PIP5K1C: variants seen among roughly 807,000 people sequenced by gnomAD.
PIP5K1C encodes the protein phosphatidylinositol 4-phosphate 5-kinase type-1 gamma.
A neutral mutation model predicts 80.1 loss-of-function variants in PIP5K1C; 45 were observed. The observed-to-expected ratio is 0.56, with a 90% confidence interval of 0.44 to 0.72. The LOEUF (loss-of-function observed/expected upper bound fraction) is 0.72, where lower values mean the gene tolerates loss of function less well. PIP5K1C is among the 30% of genes least tolerant of loss of function. The probability of loss-of-function intolerance (pLI) is 0.00; values close to 1 mark genes in which losing one functional copy is unlikely to be tolerated. For synonymous variants in PIP5K1C, 498 were observed against 420.1 expected (o/e 1.19, Z -2.27); for missense variants, 753 against 954.6 (o/e 0.79, Z 2.78).
At chr19:3,678,947 G>A (rs1043731327) in intron 1 of PIP5K1C, among the ~76,000 whole-genome samples, 3 of 146,672 alleles carry the variant, frequency 2.0e-5, no homozygotes, top group Non-Finnish European at 4.5e-5. Context: ...GAGGGATGGA[G>A]AATGGAGGGA....
At position 3,653,369 on chromosome 19, in the gene PIP5K1C, A is replaced by G; in HGVS notation, c.842T>C (p.Met281Thr). The G allele has an allele frequency of 6.2e-7, 1 of 1,612,632 alleles. No homozygotes were observed. The highest frequency in any genetic ancestry group is 8.5e-7 in the Non-Finnish European group (1 of 1,180,012). The stretch of plus-strand genomic sequence containing the variant: ...CAGGAGCCCCTCGGGCATGTCCTGC[A>G]TGAAGTCCAGGTCCTTGTAGGTGGG... ...SFPTYKDLDFMQDMPEGLLLD... is the reference protein window; with the variant it reads ...SFPTYKDLDFTQDMPEGLLLD... The change falls in exon 7 of 18, where the codon ATG (methionine) becomes ACG (threonine). Residue 281 changes from methionine (M) to threonine (T), a missense_variant. Coordinates refer to ENST00000335312, the MANE Select transcript of PIP5K1C (RefSeq NM_012398.3).
At chr19:3,666,492 AAC>A (rs1435364903) in intron 2 of PIP5K1C, among the ~76,000 whole-genome samples, 6 of 152,340 alleles carry the variant, frequency 3.9e-5, no homozygotes, top group African/African-American at 9.6e-5. Context: ...CACACAGGCA[AAC>A]ACACGTGCAG....
chr19:3,684,560 C>T (rs1470114116), intron 1 of PIP5K1C, among the ~76,000 whole-genome samples: 2 of 152,232 alleles, frequency 1.3e-5, no homozygotes, highest in African/African-American at 4.8e-5. Flanking sequence ...AGGAGGCCAC[C>T]AGGGTGTGCT....
At chr19:3,698,034 G>A (rs1482843501) in intron 1 of PIP5K1C, among the ~76,000 whole-genome samples, 1 of 152,254 alleles carries the variant, frequency 6.6e-6, no homozygotes, top group African/African-American at 2.4e-5. Context: ...GACACTGGGA[G>A]CTGGCAGTGC....
chr19:3,682,080 A>G (rs1234733095), intron 1 of PIP5K1C, among the ~76,000 whole-genome samples: 1 of 152,092 alleles, frequency 6.6e-6, no homozygotes, highest in Non-Finnish European at 1.5e-5. Context: ...ATTTCTTAGA[A>G]AAGGCATCGT....
At chr19:3,663,675 G>A (rs1018473810) in intron 3 of PIP5K1C, among the ~76,000 whole-genome samples, 2 of 152,154 alleles carry the variant, frequency 1.3e-5, no homozygotes, top group Admixed American at 6.5e-5. Context: ...AAGACACCTC[G>A]AAGAGACACC....
At chr19:3,657,365 C>T (rs749131190) in intron 5 of PIP5K1C, among the ~76,000 whole-genome samples, 13 of 152,278 alleles carry the variant, frequency 8.5e-5, no homozygotes, top group African/African-American at 2.2e-4. Flanking sequence ...CTGCGTCTTC[C>T]GGGTATGGAA....
rs910255539 is a variant in PIP5K1C at position 3,698,424 on chromosome 19, C to A, written c.94+1873G>T. Among the ~76,000 whole-genome samples, 7 of 152,342 alleles carry A rather than the reference C, an allele frequency of 4.6e-5. No homozygotes were observed. In the East Asian group the frequency reaches 1.3e-3, roughly 29 times the overall value. On this transcript the variant is annotated intron_variant, in intron 1 of 17. Coordinates refer to ENST00000335312, the MANE Select transcript of PIP5K1C (RefSeq NM_012398.3). ...CCCCTTAACCACTGCCTGGCGCTCG[C>A]CCTCTCTACAAACCGATACCAACAT...
chr19:3,646,361 G>A (rs2034213938), intron 10 of PIP5K1C, among the ~76,000 whole-genome samples: 1 of 152,188 alleles, frequency 6.6e-6, no homozygotes, highest in Non-Finnish European at 1.5e-5. Context: ...TGGCCCACGT[G>A]GACTTGTAGG....
chr19:3,639,135 G>A, intron 15 of PIP5K1C, 119 bp from the exon 16 acceptor site: 1 of 1,253,334 alleles, frequency 8.0e-7, no homozygotes, highest in South Asian at 1.2e-5. Flanking sequence ...GAAAAGCCAG[G>A]CAGCTGACCA....
At chr19:3,644,299 A>G (rs2034118390) in intron 11 of PIP5K1C, 48 bp from the exon 12 acceptor site, 1 of 1,586,484 alleles carries the variant, frequency 6.3e-7, no homozygotes, top group South Asian at 1.1e-5. Context: ...GGGGGCTCAT[A>G]GCAAAGCCCA....
In PIP5K1C at chr19:3,660,968, A is replaced by G. The variant is rs1274604584; in HGVS notation, c.466T>C (p.Leu156=). The G allele has an allele frequency of 6.2e-7, 1 of 1,609,512 alleles. No individual in the cohort carries two copies. Among genetic ancestry groups the G allele is most frequent in the South Asian group, 1.1e-5 (1 of 91,016 alleles). ...ELFGIRPDDY[L]YSLCNEPLIE... is the part of the protein sequence containing the mutation. Reference sequence around the variant, plus strand: ...CCCGTAACAGCAAATATGCTTACCAAGTAATCATCTGGCCGGATCCCAAAG... The same window carrying G: ...CCCGTAACAGCAAATATGCTTACCAGGTAATCATCTGGCCGGATCCCAAAG... The change falls in exon 5 of 18, where the codon TTG becomes CTG. Residue 156 remains leucine, a splice_region_variant and synonymous_variant. Coordinates refer to ENST00000335312, the MANE Select transcript of PIP5K1C (RefSeq NM_012398.3).
chr19:3,671,015 C>T (rs552325479), intron 1 of PIP5K1C, among the ~76,000 whole-genome samples: 11 of 152,302 alleles, frequency 7.2e-5, no homozygotes, highest in East Asian at 3.9e-4. Context: ...GTTGGCGGCC[C>T]GGGAGCAGAA....
chr19:3,639,037 A>C (rs766981909), intron 15 of PIP5K1C, 21 bp from the exon 16 acceptor site: 2 of 1,608,086 alleles, frequency 1.2e-6, no homozygotes, highest in South Asian at 1.1e-5. Flanking sequence ...GAGTAGACAG[A>C]GGGTCTTGAC....
chr19:3,678,827 T>C (rs961162054), intron 1 of PIP5K1C, among the ~76,000 whole-genome samples: 1 of 83,292 alleles, frequency 1.2e-5, no homozygotes, highest in Non-Finnish European at 2.3e-5. Flanking sequence ...GATGAAGGGA[T>C]GGCAAGATGG....
rs895600622 is a variant in PIP5K1C, at chr19:3,643,476, C to T, written c.1511-95G>A. Reference sequence around the variant, plus strand: ...AGGCTTGGCTCACCCTGGGAACCCACAGCCCAGTGCCCGCCCGCCTCCCAG... The same window carrying T: ...AGGCTTGGCTCACCCTGGGAACCCATAGCCCAGTGCCCGCCCGCCTCCCAG... On this transcript the variant is annotated intron_variant, in intron 12 of 17. Coordinates refer to ENST00000335312, the MANE Select transcript of PIP5K1C (RefSeq NM_012398.3). 3.4e-6 allele frequency: 5 copies of T among 1,471,926 alleles called. No individual in the cohort carries two copies. The South Asian group carries it at 3.6e-5, about 10-fold the overall frequency. 91.2% of individuals were successfully genotyped at this position (1,471,926 alleles called of 1,614,324 possible).
In PIP5K1C at chr19:3,647,362, G is replaced by C. The variant is rs766463811; in HGVS notation, c.1236C>G (p.Thr412=). The change falls in exon 10 of 18, where the codon ACC becomes ACG. Residue 412 remains threonine, a synonymous_variant. Coordinates refer to ENST00000335312, the MANE Select transcript of PIP5K1C (RefSeq NM_012398.3). Reference sequence around the variant, plus strand: ...CCCCATCGTGGACGAGGGCCTTCCAGGTGTGCTCCAGTTTCTTGATGAACC... The same window carrying C: ...CCCCATCGTGGACGAGGGCCTTCCACGTGTGCTCCAGTTTCTTGATGAACC... The part of the protein sequence containing the change: ...SYRFIKKLEH[T]WKALVHDGDT... 2 of 1,581,322 alleles carry C rather than the reference G, an allele frequency of 1.3e-6. No homozygotes were observed. The highest frequency in any genetic ancestry group is 1.7e-6 in the Non-Finnish European group (2 of 1,162,614).
At position 3,667,423 on chromosome 19, in the gene PIP5K1C, G is replaced by C. The variant is rs376705085; in HGVS notation, c.95-70C>G. 89 of 1,583,098 alleles carry C rather than the reference G, an allele frequency of 5.6e-5. No homozygotes were observed. In the African/African-American group the frequency reaches 1.2e-3, roughly 21 times the overall value. ...TCTGGGAGTCCTGGGCCCAGCCCCC[G>C]GCCCACCTTCTGGCGCCCCAGGCCT... On this transcript the variant is annotated intron_variant, in intron 1 of 17. Coordinates refer to ENST00000335312, the MANE Select transcript of PIP5K1C (RefSeq NM_012398.3).
rs1428126979 is a variant in PIP5K1C at position 3,640,753 on chromosome 19, C to A, written c.1787+952G>T. 2.6e-5 allele frequency among the ~76,000 whole-genome samples: 4 copies of A among 151,222 alleles called. No homozygotes were observed. The East Asian group carries it at 8.0e-4, about 30-fold the overall frequency. ...TTAGGATGGAGTGCAGTGGTGCGAT[C>A]TCAGCTCACTGCAAACTCTGCCTCC... On this transcript the variant is annotated intron_variant, in intron 15 of 17. Coordinates refer to ENST00000335312, the MANE Select transcript of PIP5K1C (RefSeq NM_012398.3).
Sources: gnomAD v4.1 joint callset for allele counts (sites outside exome capture counted in the v4.1 genomes callset) on GRCh38, gnomAD v4.1.1 for gene constraint, MANE v1.5 for transcripts, NCBI Gene and HGNC (gene_info 2026-07-23, HGNC 2026-07-21) for gene names.